Variants in RNF38 observed in about 807,000 individuals in gnomAD.
RNF38 encodes the protein E3 ubiquitin-protein ligase RNF38.
RNF38 carries 15 observed loss-of-function variants against 67.2 expected under a neutral mutation model. That is an observed-to-expected ratio of 0.22 (90% CI 0.15 to 0.34). The LOEUF is 0.34. Among genes scored for constraint, RNF38 ranks in the 10% least tolerant of loss-of-function variants. RNF38 has a pLI of 1.00. For synonymous variants in RNF38, 220 were observed against 218.8 expected (o/e 1.01, Z -0.05); for missense variants, 524 against 639.9 (o/e 0.82, Z 1.95).
chr9:36,348,019 T>C (rs866120205), intron 9 of RNF38, among the ~76,000 whole-genome samples: 1 of 151,994 alleles, frequency 6.6e-6, no homozygotes, highest in Non-Finnish European at 1.5e-5. Flanking sequence ...GAGCTTGCAG[T>C]GAGCCGAGAT....
chr9:36,400,090 A>G lies in RNF38; in HGVS notation c.12+7T>C, dbSNP rs754169454. The stretch of plus-strand genomic sequence containing the variant: ...TCATTTTTGCAACACAAAGAAAAAT[A>G]CTTTACCTTACAAGCCATACAGACG... On this transcript the variant is annotated splice_region_variant and intron_variant, in intron 1 of 11. Coordinates refer to ENST00000259605, the MANE Select transcript of RNF38 (RefSeq NM_022781.5). 1.9e-5 allele frequency: 31 copies of G among 1,612,008 alleles called. No individual in the cohort carries two copies.
chr9:36,475,754 A>G (rs1250781869), intron 1 of RNF38, among the ~76,000 whole-genome samples: 1 of 148,482 alleles, frequency 6.7e-6, no homozygotes, highest in African/African-American at 2.5e-5. Context: ...GCGGTGGCTC[A>G]CGCCTGTAAT....
chr9:36,373,844 T>C (rs966173605), intron 3 of RNF38, among the ~76,000 whole-genome samples: 1 of 151,850 alleles, frequency 6.6e-6, no homozygotes, highest in African/African-American at 2.4e-5. Flanking sequence ...TGGAGTGCAA[T>C]GCACACCCGG....
At chr9:36,481,697 G>GC (rs1840273161) in intron 1 of RNF38, among the ~76,000 whole-genome samples, 1 of 151,996 alleles carries the variant, frequency 6.6e-6, no homozygotes, top group South Asian at 2.1e-4. Context: ...TTTCCCTTGA[G>GC]CCCCCAGAAC....
In RNF38 at chr9:36,338,756, A is replaced by G. The variant is rs1466006398; in HGVS notation, c.*996T>C. The stretch of plus-strand genomic sequence containing the variant: ...AGAATAGACTAGACTACAAATCTAA[A>G]CATTAAAAAAAATCACAGGTACTTT... On this transcript the variant is annotated 3_prime_UTR_variant, in exon 12 of 12. Coordinates refer to ENST00000259605, the MANE Select transcript of RNF38 (RefSeq NM_022781.5). 2 of 144,836 alleles carry G rather than the reference A, an allele frequency of 1.4e-5. No homozygotes were observed. The highest frequency in any genetic ancestry group is 4.4e-4 in the South Asian group (2 of 4,578). 9.0% of individuals were successfully genotyped at this position (144,836 alleles called of 1,614,324 possible). A position where few individuals can be genotyped will look rare whatever the true frequency, so the allele number is the denominator to read the frequency against.
At chr9:36,377,703 G>C (rs1354488917) in intron 2 of RNF38, among the ~76,000 whole-genome samples, 1 of 152,070 alleles carries the variant, frequency 6.6e-6, no homozygotes, top group East Asian at 1.9e-4. Context: ...TCAGGTTCCT[G>C]ATATAAAATG....
At chr9:36,473,227 G>A (rs1840038543) in intron 1 of RNF38, among the ~76,000 whole-genome samples, 1 of 151,450 alleles carries the variant, frequency 6.6e-6, no homozygotes, top group Non-Finnish European at 1.5e-5. Context: ...TCAGGAGGCT[G>A]AGGCAGGAGG....
intron 1 of RNF38, among the ~76,000 whole-genome samples, chr9:36,463,006 GCTT>G (rs1839770598): frequency 6.6e-6 from 1 of 151,394 alleles, no homozygotes; most frequent in Non-Finnish European, 1.5e-5. Context: ...GTGAAAACAA[GCTT>G]ATTAAGCAAG....
chr9:36,485,850 C>T (rs1162563566), intron 1 of RNF38, among the ~76,000 whole-genome samples: 2 of 152,166 alleles, frequency 1.3e-5, no homozygotes, highest in African/African-American at 4.8e-5. Context: ...ACTCCAGGCC[C>T]TGTGGGTCTG....
At chr9:36,360,030 C>T (rs1284940764) in intron 4 of RNF38, among the ~76,000 whole-genome samples, 1 of 152,076 alleles carries the variant, frequency 6.6e-6, no homozygotes, top group Non-Finnish European at 1.5e-5. Context: ...TAGGCGTGAG[C>T]CACCGTGCCT....
rs1839155973 is a variant in RNF38, at chr9:36,439,873, T to C, written n.242-15190A>G. Among the ~76,000 whole-genome samples, 3 of 152,032 alleles carry C rather than the reference T, an allele frequency of 2.0e-5. No homozygotes were observed. In the South Asian group the frequency reaches 6.2e-4, roughly 31 times the overall value. ...TTCTCCAAATCACCACAAATTTGTC[T>C]GGCATAATTTGTAACTGAGAACATT... On this transcript the variant is annotated intron_variant and non_coding_transcript_variant, in intron 1 of 3. Coordinates refer to the RNF38 transcript ENST00000488058.
intron 1 of RNF38, among the ~76,000 whole-genome samples, chr9:36,477,161 A>T (rs1019135032): frequency 6.6e-6 from 1 of 151,528 alleles, no homozygotes; most frequent in African/African-American, 2.4e-5. Flanking sequence ...ATCTCTACTA[A>T]AAATACAAAA....
At chr9:36,375,419 T>C (rs930168154) in intron 3 of RNF38, among the ~76,000 whole-genome samples, 9 of 152,202 alleles carry the variant, frequency 5.9e-5, no homozygotes, top group Non-Finnish European at 1.3e-4. Context: ...CTCGAACTCC[T>C]GGCCTCAAGT....
At chr9:36,343,963 GAT>G (rs981419741) in intron 10 of RNF38, among the ~76,000 whole-genome samples, 4 of 152,252 alleles carry the variant, frequency 2.6e-5, no homozygotes, top group Admixed American at 2.6e-4. Flanking sequence ...TGATTGTGGT[GAT>G]AGTTACACAG....
intron 2 of RNF38, among the ~76,000 whole-genome samples, chr9:36,409,596 C>T (rs1018542048): frequency 2.6e-5 from 4 of 152,208 alleles, no homozygotes; most frequent in Admixed American, 6.5e-5. Context: ...AATACCTGTA[C>T]AGTCAATAAC....
intron 1 of RNF38, among the ~76,000 whole-genome samples, chr9:36,459,034 C>G (rs912873136): frequency 2.0e-5 from 3 of 151,940 alleles, no homozygotes; most frequent in African/African-American, 4.8e-5. Flanking sequence ...ATGGTGAAAC[C>G]CTGTCTCTAC....
At position 36,426,153 on chromosome 9, in the gene RNF38, ATTTGT is replaced by A. The variant is rs969103457; in HGVS notation, n.242-1475_242-1471del. Reference sequence around the variant, plus strand: ...GCAGAAAATTCTCTTTCAGAATCGGATTTGTTTTGTTTTGTCTTGTTTTAAACAAA... The same window carrying A: ...GCAGAAAATTCTCTTTCAGAATCGGATTTGTTTTGTCTTGTTTTAAACAAA... On this transcript the variant is annotated intron_variant and non_coding_transcript_variant, in intron 1 of 3. Coordinates refer to the RNF38 transcript ENST00000488058. Among the ~76,000 whole-genome samples, 7 of 152,306 alleles carry A rather than the reference ATTTGT, an allele frequency of 4.6e-5. No homozygotes were observed. In the South Asian group the frequency reaches 8.3e-4, roughly 18 times the overall value.
At chr9:36,362,613 A>C (rs1373267254) in intron 4 of RNF38, among the ~76,000 whole-genome samples, 1 of 151,708 alleles carries the variant, frequency 6.6e-6, no homozygotes. Flanking sequence ...CTTTGATCCC[A>C]GTTATCAAAG....
At chr9:36,355,158 A>G (rs1049513180) in intron 6 of RNF38, among the ~76,000 whole-genome samples, 1 of 152,238 alleles carries the variant, frequency 6.6e-6, no homozygotes, top group African/African-American at 2.4e-5. Context: ...TACAGTTTTC[A>G]GGACAGCAGC....
Sources: gnomAD v4.1 joint callset for allele counts (sites outside exome capture counted in the v4.1 genomes callset) on GRCh38, gnomAD v4.1.1 for gene constraint, MANE v1.5 for transcripts, NCBI Gene and HGNC (gene_info 2026-07-23, HGNC 2026-07-21) for gene names.